The following LPAR1 variants were observed in gnomAD, a reference collection of about 807,000 sequenced individuals.
LPAR1 encodes lysophosphatidic acid receptor 1.
LPAR1 carries 5 observed loss-of-function variants against 23.8 expected under a neutral mutation model. The ratio of observed to expected loss-of-function variants is 0.21; its 90% CI spans 0.11 to 0.44. The LOEUF (loss-of-function observed/expected upper bound fraction) is 0.44. Among genes scored for constraint, LPAR1 ranks in the 20% least tolerant of loss-of-function variants. The probability of loss-of-function intolerance (pLI) is 0.99; values close to 1 mark genes in which losing one functional copy is unlikely to be tolerated. For synonymous variants in LPAR1, 160 were observed against 164.7 expected (o/e 0.97, Z 0.22); for missense variants, 311 against 482.8 (o/e 0.64, Z 3.33).
chr9:111,023,877 G>C (rs2097620691), intron 2 of LPAR1, among the ~76,000 whole-genome samples: 1 of 152,128 alleles, frequency 6.6e-6, no homozygotes, highest in Admixed American at 6.5e-5. Flanking sequence ...TCAAATGTAT[G>C]GACAAACATT....
chr9:110,942,256 C>A (rs1198398422), intron 4 of LPAR1, 88 bp from the exon 5 acceptor site: 1 of 1,144,382 alleles, frequency 8.7e-7, no homozygotes, highest in Non-Finnish European at 1.2e-6. Context: ...TTTTATAGTA[C>A]ATGCAACAGA....
chr9:111,010,707 A>G (rs770083615), intron 2 of LPAR1, among the ~76,000 whole-genome samples: 2 of 152,134 alleles, frequency 1.3e-5, no homozygotes, highest in Non-Finnish European at 2.9e-5. Flanking sequence ...TCTCTAATTT[A>G]TTTAGGAATA....
intron 5 of LPAR1, among the ~76,000 whole-genome samples, chr9:110,927,774 A>G (rs901761316): frequency 6.6e-6 from 1 of 152,170 alleles, no homozygotes; most frequent in African/African-American, 2.4e-5. Context: ...TTGGTATGTT[A>G]AAAAACTAAT....
At chr9:110,933,870 T>A (rs1179224279) in intron 5 of LPAR1, among the ~76,000 whole-genome samples, 1 of 152,194 alleles carries the variant, frequency 6.6e-6, no homozygotes, top group Non-Finnish European at 1.5e-5. Flanking sequence ...GGTTTCTGTT[T>A]CTGTTTAAAC....
intron 4 of LPAR1, among the ~76,000 whole-genome samples, chr9:110,969,274 T>C (rs2096328966): frequency 6.6e-6 from 1 of 152,172 alleles, no homozygotes; most frequent in South Asian, 2.1e-4. Context: ...TAATGTACCA[T>C]ATACTTCTCC....
chr9:110,892,830 C>CAGGA (rs1564386577), intron 5 of LPAR1, among the ~76,000 whole-genome samples: 2 of 63,904 alleles, frequency 3.1e-5, no homozygotes, highest in Non-Finnish European at 6.1e-5. Context: ...GGAAGGAAGG[C>CAGGA]AGGCAGGCAG....
chr9:111,022,708 A>G (rs985405359), intron 2 of LPAR1, among the ~76,000 whole-genome samples: 1 of 152,170 alleles, frequency 6.6e-6, no homozygotes, highest in African/African-American at 2.4e-5. Context: ...TTTCTCCTGC[A>G]TATCGAACAC....
intron 5 of LPAR1, among the ~76,000 whole-genome samples, chr9:110,921,661 G>T (rs769869513): frequency 1.3e-5 from 2 of 152,166 alleles, no homozygotes; most frequent in Non-Finnish European, 2.9e-5. Flanking sequence ...TACATTTTCC[G>T]GGTTGATACT....
intron 5 of LPAR1, among the ~76,000 whole-genome samples, chr9:110,884,946 A>C (rs2081958914): frequency 6.6e-6 from 1 of 152,020 alleles, no homozygotes; most frequent in South Asian, 2.1e-4. Flanking sequence ...ATCCTGGGTG[A>C]TATCGTGGAC....
chr9:110,977,640 G>T (rs1181586518), intron 2 of LPAR1, among the ~76,000 whole-genome samples: 1 of 152,078 alleles, frequency 6.6e-6, no homozygotes, highest in African/African-American at 2.4e-5. Flanking sequence ...AAAGAACACA[G>T]GGTTACTAAT....
At position 110,941,340 on chromosome 9, in the gene LPAR1, G is replaced by T. The variant is rs2095089092; in HGVS notation, c.793+81C>A. 3 of 1,292,548 alleles carry T rather than the reference G, an allele frequency of 2.3e-6. No individual in the cohort carries two copies. Among genetic ancestry groups the T allele is most frequent in the African/African-American group, 3.0e-5 (2 of 67,634 alleles). 80.1% of individuals were successfully genotyped at this position (1,292,548 alleles called of 1,614,324 possible). ...TACCTGGTGAATATTCATACTGTTG[G>T]TTACCTCTGACATAAAATAATGTGG... On this transcript the variant is annotated intron_variant, in intron 5 of 5. Coordinates refer to ENST00000683809, the MANE Select transcript of LPAR1 (RefSeq NM_001351411.2). The surrounding 1 kb of genome is among the most constrained non-coding windows in gnomAD (Gnocchi z 6.1).
chr9:111,009,123 G>T (rs1214873045), intron 2 of LPAR1, among the ~76,000 whole-genome samples: 1 of 151,994 alleles, frequency 6.6e-6, no homozygotes, highest in African/African-American at 2.4e-5. Flanking sequence ...ACATATTAAA[G>T]GATAATATAT....
intron 2 of LPAR1, among the ~76,000 whole-genome samples, chr9:111,006,571 C>CA (rs912917284): frequency 1.2e-4 from 18 of 151,800 alleles, no homozygotes; most frequent in African/African-American, 3.9e-4. Context: ...ACTCAACACA[C>CA]AAAAAAAATC....
intron 5 of LPAR1, among the ~76,000 whole-genome samples, chr9:110,877,536 A>G (rs1314836450): frequency 6.6e-6 from 1 of 152,228 alleles, no homozygotes; most frequent in African/African-American, 2.4e-5. Flanking sequence ...AATCAAAGGA[A>G]TGCCTCTTGG....
chr9:110,878,065 T>C (rs577494144), intron 5 of LPAR1, among the ~76,000 whole-genome samples: 97 of 152,322 alleles, frequency 6.4e-4, no homozygotes, highest in African/African-American at 2.3e-3. Flanking sequence ...GGAGCTTCTA[T>C]GTATGGATGC....
intron 4 of LPAR1, among the ~76,000 whole-genome samples, chr9:110,968,740 T>C (rs1050627342): frequency 6.6e-6 from 1 of 152,208 alleles, no homozygotes; most frequent in African/African-American, 2.4e-5. Flanking sequence ...TTTATTCTTG[T>C]ATCCCCCAGC....
chr9:110,889,594 G>A (rs1390585997), intron 5 of LPAR1, among the ~76,000 whole-genome samples: 1 of 152,128 alleles, frequency 6.6e-6, no homozygotes, highest in African/African-American at 2.4e-5. Context: ...TTCACTACTA[G>A]AATTTTTGTC....
At chr9:110,878,438 T>C (rs570227667) in intron 5 of LPAR1, among the ~76,000 whole-genome samples, 2 of 152,226 alleles carry the variant, frequency 1.3e-5, no homozygotes, top group South Asian at 4.1e-4. Flanking sequence ...AAATTAAGGA[T>C]TTCCCCTTGA....
At chr9:110,939,014 T>G (rs1229479248) in intron 5 of LPAR1, among the ~76,000 whole-genome samples, 2 of 152,176 alleles carry the variant, frequency 1.3e-5, no homozygotes, top group Non-Finnish European at 2.9e-5. Flanking sequence ...CTAACAAACT[T>G]GCTTTCTTTC....
Sources: gnomAD v4.1 joint callset for allele counts (sites outside exome capture counted in the v4.1 genomes callset) on GRCh38, gnomAD v4.1.1 for gene constraint, Gnocchi (gnomAD v3.1) non-coding constraint, MANE v1.5 for transcripts, NCBI Gene and HGNC (gene_info 2026-07-23, HGNC 2026-07-21) for gene names.